The following SCN11A variants were observed in gnomAD, a reference collection of about 807,000 sequenced individuals.
SCN11A encodes sodium channel protein type 11 subunit alpha.
In SCN11A, 122 loss-of-function variants were observed where a neutral mutation model predicts 162.2. That is an observed-to-expected ratio of 0.75 (90% confidence interval 0.65 to 0.87). The LOEUF (loss-of-function observed/expected upper bound fraction) is 0.87. SCN11A is among the 40% of genes least tolerant of loss of function. SCN11A has a pLI of 0.00. For missense variants in SCN11A, 2,015 were observed against 2,181.6 expected, an observed-to-expected ratio of 0.92 and a Z score of 1.52; for synonymous variants, 758 against 751.5, an observed-to-expected ratio of 1.01 and a Z score of -0.14.
At position 38,910,176 on chromosome 3, in the gene SCN11A, T is replaced by C; in HGVS notation, c.991A>G (p.Thr331Ala). Residue 331 changes from threonine (T) to alanine (A), a missense_variant, in exon 12 of 30, where the codon ACC becomes GCC. Transcript: ENST00000302328. ...ACSIQYECKH[T>A]KINPDYNYTN... ...TAATTATAGTCAGGATTAATTTTGG[T>C]GTGCTTACATTCATATTGTATGGAA... 1 of 1,613,598 alleles carries C rather than the reference T, an allele frequency of 6.2e-7. No individual in the cohort carries two copies.
chr3:38,884,529 A>G (rs2065362816), intron 21 of SCN11A, among the ~76,000 whole-genome samples: 1 of 152,110 alleles, frequency 6.6e-6, no homozygotes, highest in Admixed American at 6.5e-5. Context: ...TGTTGAACCC[A>G]TTTCTGGGCC....
At chr3:38,872,045 T>C (rs867955509) in intron 24 of SCN11A, 148 bp downstream of exon 24, 15 of 675,172 alleles carry the variant, frequency 2.2e-5, no homozygotes, top group Middle Eastern at 8.4e-4. Flanking sequence ...GGCTTTTCTC[T>C]ACCCCTCAAA....
intron 3 of SCN11A, among the ~76,000 whole-genome samples, chr3:38,958,810 G>A (rs2066712950): frequency 6.6e-6 from 1 of 152,154 alleles, no homozygotes; most frequent in South Asian, 2.1e-4. Context: ...AATTTGGAGT[G>A]TGTTAACTAA....
chr3:38,899,501 C>G (rs1476735978), intron 17 of SCN11A, among the ~76,000 whole-genome samples: 5 of 152,166 alleles, frequency 3.3e-5, no homozygotes, highest in African/African-American at 9.6e-5. Flanking sequence ...TCTTTGCCCC[C>G]CTTGGCGAGC....
At chr3:38,853,879 A>C (rs914012748) in intron 28 of SCN11A, among the ~76,000 whole-genome samples, 2 of 152,182 alleles carry the variant, frequency 1.3e-5, no homozygotes, top group Admixed American at 1.3e-4. Context: ...CCAATGCTCT[A>C]AAGTATGTAT....
At chr3:38,966,605 G>C (rs907583156) in intron 2 of SCN11A, among the ~76,000 whole-genome samples, 1 of 152,158 alleles carries the variant, frequency 6.6e-6, no homozygotes, top group African/African-American at 2.4e-5. Flanking sequence ...TATGTGTTGG[G>C]AACATTTCAA....
intron 2 of SCN11A, among the ~76,000 whole-genome samples, chr3:38,989,687 C>G (rs2030388028): frequency 6.6e-6 from 1 of 152,226 alleles, no homozygotes; most frequent in Non-Finnish European, 1.5e-5. Flanking sequence ...GCATACTTAA[C>G]TTCTCTGAAC....
Position 38,924,325 on chromosome 3 carries a change from C to T in SCN11A, c.712+1090G>A, listed in dbSNP as rs143114717. Among the ~76,000 whole-genome samples the T allele has an allele frequency of 4.1e-4, 62 of 152,144 alleles. 1 individual carries two copies. In the East Asian group the frequency reaches 0.012, roughly 29 times the overall value. On this transcript the variant is annotated intron_variant, in intron 9 of 29. Transcript: ENST00000302328. Reference sequence around the variant, plus strand: ...CTCCCAGGTTCAAGCAATTCTCCTGCCTCAGCTTCTCGAGTAGCTGAGATT... The same window carrying T: ...CTCCCAGGTTCAAGCAATTCTCCTGTCTCAGCTTCTCGAGTAGCTGAGATT...
At chr3:38,938,550 ATTTTTTTTTTTTTTTTT>A (rs71085342) in intron 7 of SCN11A, among the ~76,000 whole-genome samples, 13 of 14,530 alleles carry the variant, frequency 8.9e-4, no homozygotes, top group African/African-American at 3.1e-3. Context: ...ATATATATAT[ATTTTTTTTTTTTTTTTT>A]TTTTTTTTTT....
chr3:38,892,302 A>G (rs1344334355), intron 19 of SCN11A, among the ~76,000 whole-genome samples: 1 of 152,232 alleles, frequency 6.6e-6, no homozygotes, highest in Non-Finnish European at 1.5e-5. Context: ...GCAAAAAACA[A>G]GTGACCCTAA....
chr3:38,967,242 A>G (rs2066788658), intron 2 of SCN11A, among the ~76,000 whole-genome samples: 1 of 152,196 alleles, frequency 6.6e-6, no homozygotes, highest in African/African-American at 2.4e-5. Flanking sequence ...CCCAAATTGA[A>G]CAGGGCTGAC....
chr3:38,899,871 A>G (rs568549571), intron 17 of SCN11A, 23 bp downstream of exon 17: 4 of 1,601,164 alleles, frequency 2.5e-6, no homozygotes, highest in East Asian at 4.5e-5. Context: ...ACGTTTATGC[A>G]GTAAAATAAG....
intron 2 of SCN11A, among the ~76,000 whole-genome samples, chr3:39,024,922 C>G (rs2031548444): frequency 6.6e-6 from 1 of 152,224 alleles, no homozygotes; most frequent in African/African-American, 2.4e-5. Flanking sequence ...GGTCTTCCTT[C>G]TGAAGGCTCC....
chr3:38,977,130 G>A (rs530090929), intron 2 of SCN11A, among the ~76,000 whole-genome samples: 12 of 152,198 alleles, frequency 7.9e-5, no homozygotes, highest in African/African-American at 2.6e-4. Flanking sequence ...AAGCTAAAGA[G>A]AAAACAAAAA....
Position 38,847,683 on chromosome 3 carries a change from T to C in SCN11A, c.4387A>G (p.Arg1463Gly). 1 of 1,613,584 alleles carries C rather than the reference T, an allele frequency of 6.2e-7. No individual in the cohort carries two copies. The highest frequency in any genetic ancestry group is 8.5e-7 in the Non-Finnish European group (1 of 1,179,572). ...CCAATCCGAGCCAAGCGGACAATTC[T>C]GAAGAGCGTCGGAGGGAAAGGAATG... ...EHIPFPPTLFRIVRLARIGRI... is the reference protein window; with the variant it reads ...EHIPFPPTLFGIVRLARIGRI... The change falls in exon 30 of 30, where the codon AGA becomes GGA. Residue 1463 changes from arginine to glycine, a missense_variant. By Grantham distance (125) the Arg-to-Gly change is moderately radical. Coordinates refer to ENST00000302328, the MANE Select transcript of SCN11A (RefSeq NM_001349253.2).
intron 3 of SCN11A, among the ~76,000 whole-genome samples, chr3:38,958,253 C>T (rs1035028876): frequency 6.6e-6 from 1 of 151,682 alleles, no homozygotes; most frequent in African/African-American, 2.4e-5. Context: ...GCAAGTGACC[C>T]GGAATATGAT....
intron 1 of SCN11A, among the ~76,000 whole-genome samples, chr3:39,042,755 C>T (rs1018490191): frequency 2.6e-5 from 4 of 151,724 alleles, no homozygotes; most frequent in Admixed American, 6.6e-5. Flanking sequence ...GTCAGGAGTT[C>T]GACACCAGCC....
chr3:38,970,000 T>C (rs2066806995), intron 2 of SCN11A, among the ~76,000 whole-genome samples: 2 of 150,734 alleles, frequency 1.3e-5, no homozygotes. Flanking sequence ...GCGCAGATGT[T>C]AGCTGCCTGT....
chr3:38,964,235 C>A (rs941844281), intron 2 of SCN11A, among the ~76,000 whole-genome samples: 2 of 152,312 alleles, frequency 1.3e-5, no homozygotes, highest in African/African-American at 4.8e-5. Flanking sequence ...TGGCAGGCAG[C>A]AAGACCCTGC....
Sources: allele counts gnomAD v4.1 joint callset (sites outside exome capture counted in the v4.1 genomes callset), GRCh38; gene constraint gnomAD v4.1.1; transcripts MANE v1.5; gene names NCBI Gene and HGNC (gene_info 2026-07-23, HGNC 2026-07-21).